The following CCDC170 variants were observed in gnomAD, a reference collection of about 807,000 sequenced individuals.
The protein encoded by CCDC170 is coiled-coil domain-containing protein 170.
In CCDC170, 69 loss-of-function variants were observed where a neutral mutation model predicts 72.6. The observed-to-expected ratio is 0.95, with a 90% CI of 0.78 to 1.16. The LOEUF is 1.16. Ranked by LOEUF, CCDC170 falls within the 50% of genes most tolerant of loss-of-function variation. The probability of loss-of-function intolerance (pLI) is 0.00; values close to 1 mark genes in which losing one functional copy is unlikely to be tolerated. For synonymous variants in CCDC170, 300 were observed against 303.9 expected (o/e 0.99, Z 0.13); for missense variants, 852 against 832.5 (o/e 1.02, Z -0.29).
chr6:151,494,353 T>A (rs1781878722), intron 1 of CCDC170, among the ~76,000 whole-genome samples, 168 bp downstream of exon 1: 1 of 152,140 alleles, frequency 6.6e-6, no homozygotes, highest in South Asian at 2.1e-4. Context: ...GGGCGCTGAT[T>A]TCAGGAGGGG....
At chr6:151,538,904 T>G (rs982317203) in intron 3 of CCDC170, among the ~76,000 whole-genome samples, 3 of 152,188 alleles carry the variant, frequency 2.0e-5, no homozygotes, top group Non-Finnish European at 4.4e-5. Flanking sequence ...CTTAAAAAAA[T>G]AACCCAATAC....
In CCDC170 at chr6:151,572,649, G is replaced by GTTTTTTTTTTTT. The variant is rs1213267537; in HGVS notation, c.775-516_775-505dup. Among the ~76,000 whole-genome samples, 151 of 37,876 alleles carry GTTTTTTTTTTTT rather than the reference G, an allele frequency of 4.0e-3. 1 individual carries two copies. Among genetic ancestry groups the GTTTTTTTTTTTT allele is most frequent in the African/African-American group, 5.5e-3 (45 of 8,140 alleles). 24.8% of individuals were successfully genotyped at this position (37,876 alleles called of 152,430 possible). ...TTTATATTTTATATCCCTTCTCTGT[G>GTTTTTTTTTTTT]TTTTTTTTTTTTTTTTTTTTGATGG... On this transcript the variant is annotated intron_variant, in intron 5 of 10. Transcript: ENST00000239374.
At chr6:151,598,198 C>T (rs375499265) in intron 9 of CCDC170, among the ~76,000 whole-genome samples, 8 of 152,170 alleles carry the variant, frequency 5.3e-5, no homozygotes, top group African/African-American at 1.4e-4. Flanking sequence ...GAGGTAAATC[C>T]CCTCAACAGT....
intron 6 of CCDC170, among the ~76,000 whole-genome samples, chr6:151,585,625 T>C (rs1262782068): frequency 3.3e-5 from 5 of 152,210 alleles, no homozygotes; most frequent in Non-Finnish European, 5.9e-5. Context: ...GTAAATGTTA[T>C]CCATAAATTT....
chr6:151,593,054 A>G, intron 7 of CCDC170, 53 bp from the exon 8 acceptor site: 1 of 1,555,050 alleles, frequency 6.4e-7, no homozygotes, highest in Non-Finnish European at 8.9e-7. Context: ...CTGTGAGATC[A>G]CTCATTAACT....
chr6:151,603,536 G>A (rs1398918294), intron 9 of CCDC170, among the ~76,000 whole-genome samples: 1 of 152,224 alleles, frequency 6.6e-6, no homozygotes, highest in Non-Finnish European at 1.5e-5. Context: ...AGAAGATGAA[G>A]AAAGTGCTTT....
At chr6:151,510,058 G>A (rs1486404368) in intron 1 of CCDC170, among the ~76,000 whole-genome samples, 1 of 152,214 alleles carries the variant, frequency 6.6e-6, no homozygotes, top group Non-Finnish European at 1.5e-5. Flanking sequence ...GGGAGGTGGA[G>A]GTTGCGGTGA....
At position 151,494,049 on chromosome 6, in the gene CCDC170, G is replaced by T; in HGVS notation, c.-80G>T. 7.4e-7 allele frequency: 1 copy of T among 1,354,338 alleles called. No homozygotes were observed. Among genetic ancestry groups the T allele is most frequent in the South Asian group, 1.6e-5 (1 of 63,640 alleles). The allele number at this position is 1,354,338 out of a possible 1,614,324, so 83.9% of individuals were successfully genotyped here. ...TTACCCGTTGCCCGAGGAGACACCC[G>T]CGCCACCCGCCGGCTCCCGGCGCCG... On this transcript the variant is annotated 5_prime_UTR_variant, in exon 1 of 11. Transcript: ENST00000239374.
intron 10 of CCDC170, among the ~76,000 whole-genome samples, chr6:151,616,372 G>T (rs953935573): frequency 3.9e-5 from 6 of 152,128 alleles, no homozygotes; most frequent in African/African-American, 1.2e-4. Context: ...AAAGAAACAT[G>T]TACCGGGCAG....
intron 9 of CCDC170, among the ~76,000 whole-genome samples, chr6:151,598,780 C>T (rs542147724): frequency 6.6e-6 from 1 of 152,272 alleles, no homozygotes; most frequent in South Asian, 2.1e-4. Context: ...CTGCAAATAC[C>T]ATCTGCTCTA....
At chr6:151,529,027 T>TTGTGTGTCTCA (rs1782453457) in intron 1 of CCDC170, among the ~76,000 whole-genome samples, 3 of 152,116 alleles carry the variant, frequency 2.0e-5, no homozygotes, top group African/African-American at 7.2e-5. Flanking sequence ...TCACCACAAC[T>TTGTGTGTCTCA]CCAATTGTCG....
chr6:151,526,512 G>A (rs12210735), intron 1 of CCDC170, among the ~76,000 whole-genome samples: 66,803 of 141,798 alleles, frequency 0.47, 17,824 homozygotes, highest in Non-Finnish European at 0.61. Flanking sequence ...GAGCCACCCC[G>A]CCTGGCCTTT....
At chr6:151,535,724 G>A (rs190771020) in intron 1 of CCDC170, among the ~76,000 whole-genome samples, 126 of 152,098 alleles carry the variant, frequency 8.3e-4, no homozygotes, top group African/African-American at 2.8e-3. Context: ...CATTTGAGTC[G>A]GGTGGAAGGA....
At chr6:151,609,884 T>A (rs1401291408) in intron 9 of CCDC170, among the ~76,000 whole-genome samples, 2 of 152,218 alleles carry the variant, frequency 1.3e-5, no homozygotes, top group Non-Finnish European at 2.9e-5. Flanking sequence ...TCATATTTTT[T>A]AGAGATTCTT....
intron 1 of CCDC170, among the ~76,000 whole-genome samples, chr6:151,498,318 G>T (rs1267612637): frequency 6.6e-6 from 1 of 152,214 alleles, no homozygotes; most frequent in Non-Finnish European, 1.5e-5. Flanking sequence ...AAAGGACTTA[G>T]AGCTGGTCAT....
chr6:151,597,581 A>G (rs1776645104), intron 9 of CCDC170, among the ~76,000 whole-genome samples: 1 of 152,230 alleles, frequency 6.6e-6, no homozygotes, highest in Non-Finnish European at 1.5e-5. Flanking sequence ...AGAGTCAGGC[A>G]GGCAAGGGTA....
At chr6:151,561,837 C>G (rs912426575) in intron 5 of CCDC170, among the ~76,000 whole-genome samples, 16 of 152,042 alleles carry the variant, frequency 1.1e-4, no homozygotes, top group African/African-American at 3.9e-4. Flanking sequence ...TTCATCTTCT[C>G]TTTCAGGAAT....
chr6:151,500,560 G>A lies in CCDC170; in HGVS notation c.57+6375G>A, dbSNP rs1250194690. 7.4e-5 allele frequency among the ~76,000 whole-genome samples: 11 copies of A among 149,176 alleles called. No homozygotes were observed. The Admixed American group carries it at 7.5e-4, about 10-fold the overall frequency. On this transcript the variant is annotated intron_variant, in intron 1 of 10. Transcript: ENST00000239374. ...AGACACATTTAAACAAAAAGATATGGGAAGGTTGAAAGTAAAAGTGTATAA... is the reference window on the plus strand; with the variant it reads ...AGACACATTTAAACAAAAAGATATGAGAAGGTTGAAAGTAAAAGTGTATAA...
chr6:151,548,216 G>T, intron 4 of CCDC170, 88 bp from the exon 5 acceptor site: 1 of 1,141,904 alleles, frequency 8.8e-7, no homozygotes, highest in South Asian at 2.8e-5. Context: ...TTTTTCATAT[G>T]ATAATGCAGT....
Sources: gnomAD v4.1 joint callset for allele counts (sites outside exome capture counted in the v4.1 genomes callset) on GRCh38, gnomAD v4.1.1 for gene constraint, MANE v1.5 for transcripts, NCBI Gene and HGNC (gene_info 2026-07-23, HGNC 2026-07-21) for gene names.